Variants in VAPA observed in about 807,000 individuals in gnomAD.
The protein encoded by VAPA is VAMP associated protein A.
Under a neutral mutation model 25.6 loss-of-function variants are expected in VAPA, and 6 were observed. The ratio of observed to expected loss-of-function variants is 0.23; its 90% CI spans 0.13 to 0.46. The LOEUF (loss-of-function observed/expected upper bound fraction) is 0.46. VAPA is among the 20% of genes least tolerant of loss of function. The probability of loss-of-function intolerance (pLI) is 0.99; values close to 1 mark genes in which losing one functional copy is unlikely to be tolerated. For missense variants in VAPA, 244 were observed against 302.1 expected (o/e 0.81, Z 1.43); for synonymous variants, 112 against 106.2 (o/e 1.05, Z -0.34).
intron 4 of VAPA, among the ~76,000 whole-genome samples, chr18:9,942,943 G>C (rs1217196925): frequency 6.6e-6 from 1 of 152,144 alleles, no homozygotes; most frequent in Non-Finnish European, 1.5e-5. Context: ...TATCAAGTAT[G>C]TTGTATGCGT....
At chr18:9,932,301 C>T (rs1475208143) in intron 2 of VAPA, among the ~76,000 whole-genome samples, 1 of 152,186 alleles carries the variant, frequency 6.6e-6, no homozygotes, top group Admixed American at 6.5e-5. Flanking sequence ...AGATCATGAT[C>T]ATATTACACA....
In VAPA at chr18:9,954,430, C is replaced by G; in HGVS notation, c.*219C>G. ...CAGGTTGTATATTACCAGATCATCA[C>G]TAGCAGATGTCAGTTGCACATTGAG... On this transcript the variant is annotated 3_prime_UTR_variant, in exon 6 of 6. Coordinates refer to ENST00000400000, the MANE Select transcript of VAPA (RefSeq NM_194434.3). 4.4e-6 allele frequency: 2 copies of G among 451,734 alleles called. No homozygotes were observed. Among genetic ancestry groups the G allele is most frequent in the Non-Finnish European group, 7.7e-6 (2 of 258,434 alleles). 28.0% of individuals were successfully genotyped at this position (451,734 alleles called of 1,614,324 possible). A position where few individuals can be genotyped will look rare whatever the true frequency, so the allele number is the denominator to read the frequency against.
rs1426562934 is a variant in VAPA, at chr18:9,954,929, T to C, written c.*718T>C. Reference sequence around the variant, plus strand: ...CTTGCATTGAAACCCTCTTGGATATTACAGTATTTTTAATTGAAAGTCCTA... The same window carrying C: ...CTTGCATTGAAACCCTCTTGGATATCACAGTATTTTTAATTGAAAGTCCTA... On this transcript the variant is annotated 3_prime_UTR_variant, in exon 6 of 6. Coordinates refer to ENST00000400000, the MANE Select transcript of VAPA (RefSeq NM_194434.3). The C allele has an allele frequency of 6.6e-6, 1 of 152,482 alleles. No individual in the cohort carries two copies. Among genetic ancestry groups the C allele is most frequent in the Non-Finnish European group, 1.5e-5 (1 of 68,016 alleles). 9.4% of individuals were successfully genotyped at this position (152,482 alleles called of 1,614,324 possible).
intron 1 of VAPA, among the ~76,000 whole-genome samples, chr18:9,915,984 GT>G (rs149595419): frequency 1.5e-4 from 22 of 151,444 alleles, no homozygotes; most frequent in South Asian, 4.2e-4. Context: ...TGTATGGTGT[GT>G]TTTTTTTTAA....
Position 9,926,029 on chromosome 18 carries a change from T to G in VAPA, c.80-5781T>G, listed in dbSNP as rs2069197555. On this transcript the variant is annotated intron_variant, in intron 1 of 5. Transcript: ENST00000400000. ...TATGACCTTGGACTACTGTTTACCT[T>G]CTAAGTTGAATCATTTGTAAACTTG... Among the ~76,000 whole-genome samples, 2 of 152,150 alleles carry G rather than the reference T, an allele frequency of 1.3e-5. 1 individual carries two copies. The highest frequency in any genetic ancestry group is 4.1e-4 in the South Asian group (2 of 4,834).
intron 4 of VAPA, among the ~76,000 whole-genome samples, chr18:9,939,673 GA>G (rs2069347743): frequency 6.6e-6 from 1 of 152,050 alleles, no homozygotes; most frequent in Non-Finnish European, 1.5e-5. Flanking sequence ...TCGAAAGTTT[GA>G]AATGAGTGGT....
chr18:9,940,750 C>T (rs1053763231), intron 4 of VAPA, among the ~76,000 whole-genome samples: 2 of 151,976 alleles, frequency 1.3e-5, no homozygotes, highest in East Asian at 1.9e-4. Flanking sequence ...TCACTGGCCT[C>T]GTCATTATGA....
At chr18:9,926,832 T>A (rs955273234) in intron 1 of VAPA, among the ~76,000 whole-genome samples, 2 of 152,114 alleles carry the variant, frequency 1.3e-5, no homozygotes, top group African/African-American at 4.8e-5. Flanking sequence ...ATTTAATACA[T>A]TCTTGAAAAG....
rs1341139359 is a variant in VAPA at position 9,958,152 on chromosome 18, T to C, written c.*3941T>C. The C allele has an allele frequency of 6.6e-6, 1 of 152,194 alleles. No homozygotes were observed. The highest frequency in any genetic ancestry group is 1.9e-4 in the East Asian group (1 of 5,198). The allele number at this position is 152,194 out of a possible 1,614,324, so 9.4% of individuals were successfully genotyped here. A position where few individuals can be genotyped will look rare whatever the true frequency, so the allele number is the denominator to read the frequency against. ...ATTTCCCTGTAATATTAATGTTCTT[T>C]AAGCATAATCACTAATTATAAGTTG... On this transcript the variant is annotated 3_prime_UTR_variant, in exon 6 of 6. Coordinates refer to ENST00000400000, the MANE Select transcript of VAPA (RefSeq NM_194434.3).
rs930338120 is a variant in VAPA at position 9,915,136 on chromosome 18, G to A, written c.79+801G>A. The A allele has an allele frequency of 4.6e-5, 7 of 152,450 alleles. No individual in the cohort carries two copies. The East Asian group carries it at 5.8e-4, about 13-fold the overall frequency. 9.4% of individuals were successfully genotyped at this position (152,450 alleles called of 1,614,324 possible). A position where few individuals can be genotyped will look rare whatever the true frequency, so the allele number is the denominator to read the frequency against. ...TAGGTTCATAGTAGCGGGGCTTCCT[G>A]CCTTCTACGACATTTCAGTGTGCCA... On this transcript the variant is annotated intron_variant, in intron 1 of 5. Transcript: ENST00000400000.
At chr18:9,951,371 G>T (rs761231409) in intron 5 of VAPA, 8 of 152,208 alleles carry the variant, frequency 5.3e-5, no homozygotes, top group Non-Finnish European at 1.2e-4. Context: ...GAAAAAAATC[G>T]ATTTGTCATG....
At position 9,956,070 on chromosome 18, in the gene VAPA, T is replaced by G. The variant is rs1250961134; in HGVS notation, c.*1859T>G. 1 of 152,154 alleles carries G rather than the reference T, an allele frequency of 6.6e-6. No homozygotes were observed. The highest frequency in any genetic ancestry group is 2.4e-5 in the African/African-American group (1 of 41,442). 9.4% of individuals were successfully genotyped at this position (152,154 alleles called of 1,614,324 possible). A position where few individuals can be genotyped will look rare whatever the true frequency, so the allele number is the denominator to read the frequency against. On this transcript the variant is annotated 3_prime_UTR_variant, in exon 6 of 6. Transcript: ENST00000400000. The stretch of plus-strand genomic sequence containing the variant: ...GCTATCTTTTTTTAAAGAAATTAAG[T>G]TCTTGAAAATTTAGCCAAATCCCGT...
At chr18:9,919,893 C>T (rs1246403477) in intron 1 of VAPA, among the ~76,000 whole-genome samples, 4 of 152,090 alleles carry the variant, frequency 2.6e-5, no homozygotes, top group Non-Finnish European at 4.4e-5. Flanking sequence ...ATGAATTAGG[C>T]GGCTGCAGCA....
At chr18:9,933,653 T>C (rs2069279152) in intron 2 of VAPA, among the ~76,000 whole-genome samples, 1 of 152,116 alleles carries the variant, frequency 6.6e-6, no homozygotes, top group African/African-American at 2.4e-5. Flanking sequence ...TTTTCCTGCC[T>C]CAGCCACTTG....
At chr18:9,916,178 A>G (rs2069110501) in intron 1 of VAPA, among the ~76,000 whole-genome samples, 1 of 152,196 alleles carries the variant, frequency 6.6e-6, no homozygotes, top group Non-Finnish European at 1.5e-5. Context: ...TAAGGGAGTA[A>G]TAATAGTGGA....
At chr18:9,947,912 C>T (rs1334418997) in intron 4 of VAPA, 1 of 152,124 alleles carries the variant, frequency 6.6e-6, no homozygotes, top group African/African-American at 2.4e-5. Context: ...TATAGCATAA[C>T]ATATACATAT....
rs914302339 is a variant in VAPA at position 9,959,429 on chromosome 18, C to T, written c.*5218C>T. 3 of 152,074 alleles carry T rather than the reference C, an allele frequency of 2.0e-5. No individual in the cohort carries two copies. The highest frequency in any genetic ancestry group is 4.4e-5 in the Non-Finnish European group (3 of 68,014). The allele number at this position is 152,074 out of a possible 1,614,324, so 9.4% of individuals were successfully genotyped here. On this transcript the variant is annotated 3_prime_UTR_variant, in exon 6 of 6. Transcript: ENST00000400000. ...GTGAACAAAACCAACATGAACATTCCTAAACAAGAGTGTGTGTTACTCTAA... is the reference window on the plus strand; with the variant it reads ...GTGAACAAAACCAACATGAACATTCTTAAACAAGAGTGTGTGTTACTCTAA...
intron 4 of VAPA, among the ~76,000 whole-genome samples, chr18:9,944,733 A>G (rs2069403277): frequency 6.6e-6 from 1 of 152,236 alleles, no homozygotes; most frequent in Non-Finnish European, 1.5e-5. Context: ...TGGGAAATAC[A>G]AAAAGCGAGT....
intron 1 of VAPA, among the ~76,000 whole-genome samples, chr18:9,926,998 ATTC>A (rs1229660341): frequency 1.3e-5 from 2 of 152,108 alleles, no homozygotes; most frequent in African/African-American, 4.8e-5. Context: ...TTGTCTGTTT[ATTC>A]TTAAGTTACA....
Sources: gnomAD v4.1 joint callset for allele counts (sites outside exome capture counted in the v4.1 genomes callset) on GRCh38, gnomAD v4.1.1 for gene constraint, MANE v1.5 for transcripts, NCBI Gene and HGNC (gene_info 2026-07-23, HGNC 2026-07-21) for gene names.